Variants in CDH23 observed in about 807,000 individuals in gnomAD.
CDH23 encodes cadherin related 23.
CDH23 carries 189 observed loss-of-function variants against 317.1 expected under a neutral mutation model. The ratio of observed to expected loss-of-function variants is 0.60; its 90% CI spans 0.53 to 0.67. The LOEUF (loss-of-function observed/expected upper bound fraction) is 0.67. Ranked by LOEUF, CDH23 falls within the 30% of genes least tolerant of loss-of-function variation. The pLI is 0.00. For synonymous variants in CDH23, 1,839 were observed against 1,876.8 expected, an observed-to-expected ratio of 0.98 and a Z score of 0.52; for missense variants, 4,401 against 4,592.4, an observed-to-expected ratio of 0.96 and a Z score of 1.20.
At chr10:71,773,245 G>T in intron 38 of CDH23, 1 of 1,235,280 alleles carries the variant, frequency 8.1e-7, no homozygotes, top group Non-Finnish European at 1.1e-6. Flanking sequence ...GGAGTGGGGT[G>T]CACGGTCACA....
intron 1 of CDH23, among the ~76,000 whole-genome samples, chr10:71,403,397 TTCTTTCTTTC>T (rs1847912953): frequency 1.1e-5 from 1 of 93,172 alleles, no homozygotes; most frequent in Non-Finnish European, 2.1e-5. Context: ...CTTTCTTTCT[TTCTTTCTTTC>T]TCTTCCTTCC....
At chr10:71,461,949 T>C (rs1157184765) in intron 3 of CDH23, among the ~76,000 whole-genome samples, 1 of 152,222 alleles carries the variant, frequency 6.6e-6, no homozygotes, top group Admixed American at 6.5e-5. Flanking sequence ...GCCATGCAGC[T>C]TCCTAGCCTC....
At chr10:71,581,470 A>G (rs1858628570) in intron 9 of CDH23, among the ~76,000 whole-genome samples, 1 of 152,196 alleles carries the variant, frequency 6.6e-6, no homozygotes, top group Non-Finnish European at 1.5e-5. Flanking sequence ...TAACTTGCCC[A>G]GTCCCCTGAG....
chr10:71,538,465 G>C (rs1365278567), intron 6 of CDH23, among the ~76,000 whole-genome samples: 2 of 152,132 alleles, frequency 1.3e-5, no homozygotes, highest in Non-Finnish European at 2.9e-5. Context: ...GAAATGACTT[G>C]TTCTAGGGCC....
chr10:71,599,621 CT>C (rs1239449943), intron 9 of CDH23, among the ~76,000 whole-genome samples: 2 of 152,128 alleles, frequency 1.3e-5, no homozygotes, highest in Non-Finnish European at 2.9e-5. Flanking sequence ...GTGCTCTTGT[CT>C]CTACATTTGT....
chr10:71,695,382 T>C (rs942842923), intron 21 of CDH23, 36 bp from the exon 22 acceptor site: 1 of 1,462,990 alleles, frequency 6.8e-7, no homozygotes, highest in East Asian at 2.3e-5. Flanking sequence ...CCATCTCAGC[T>C]GGGTGTGTCT....
intron 6 of CDH23, among the ~76,000 whole-genome samples, chr10:71,555,229 AG>A (rs1337645005): frequency 6.6e-6 from 1 of 152,024 alleles, no homozygotes; most frequent in East Asian, 1.9e-4. Flanking sequence ...CCCACGAGGG[AG>A]GGGGTGGTAC....
intron 52 of CDH23, among the ~76,000 whole-genome samples, chr10:71,800,396 T>C (rs756309185): frequency 4.6e-5 from 7 of 152,102 alleles, no homozygotes; most frequent in Admixed American, 1.3e-4. Flanking sequence ...GTGCCTACTA[T>C]ATGCTAGTTC....
intron 14 of CDH23, among the ~76,000 whole-genome samples, chr10:71,668,839 AC>A (rs1052435152): frequency 6.6e-6 from 1 of 151,896 alleles, no homozygotes; most frequent in Non-Finnish European, 1.5e-5. Flanking sequence ...GGAATTTTTC[AC>A]CCCCGTATGT....
chr10:71,737,479 G>A (rs1017335433), intron 34 of CDH23, among the ~76,000 whole-genome samples: 7 of 152,226 alleles, frequency 4.6e-5, no homozygotes, highest in African/African-American at 1.7e-4. Context: ...GGCTGGGACT[G>A]AGCAGTCAAA....
At chr10:71,583,262 C>G (rs1273459287) in intron 9 of CDH23, among the ~76,000 whole-genome samples, 1 of 151,862 alleles carries the variant, frequency 6.6e-6, no homozygotes, top group East Asian at 1.9e-4. Flanking sequence ...GGGCGGGGGT[C>G]CGGTGCTGAG....
chr10:71,751,325 C>T lies in CDH23; in HGVS notation c.4845+9404C>T, dbSNP rs762021454. 1.9e-6 allele frequency: 3 copies of T among 1,598,886 alleles called. No homozygotes were observed. Among genetic ancestry groups the T allele is most frequent in the South Asian group, 1.1e-5 (1 of 89,068 alleles). On this transcript the variant is annotated intron_variant, in intron 38 of 69. Coordinates refer to ENST00000224721, the MANE Select transcript of CDH23 (RefSeq NM_022124.6). The surrounding 1 kb of genome is among the most constrained non-coding windows in gnomAD (Gnocchi z 4.9). ...AAGGAGAAGCAAAGTGAACGGGGCCCCTCTGCCCCTCACCCTCAACCCCAC... is the reference window on the plus strand; with the variant it reads ...AAGGAGAAGCAAAGTGAACGGGGCCTCTCTGCCCCTCACCCTCAACCCCAC...
chr10:71,762,023 G>A lies in CDH23; in HGVS notation c.4846-15657G>A, dbSNP rs202090521. On this transcript the variant is annotated intron_variant, in intron 38 of 69. Transcript: ENST00000224721. Reference sequence around the variant, plus strand: ...CGTGGCGACCTTGAAGGCTGCCACCGGACCTGCTCAGAGAGAGGAGAGCCC... The same window carrying A: ...CGTGGCGACCTTGAAGGCTGCCACCAGACCTGCTCAGAGAGAGGAGAGCCC... 5.1e-5 allele frequency: 82 copies of A among 1,596,054 alleles called. No individual in the cohort carries two copies. The highest frequency in any genetic ancestry group is 4.2e-4 in the Admixed American group (25 of 59,280).
intron 3 of CDH23, among the ~76,000 whole-genome samples, chr10:71,453,450 G>C (rs1850545980): frequency 6.6e-6 from 1 of 152,242 alleles, no homozygotes; most frequent in South Asian, 2.1e-4. Context: ...GGGAGGCCAG[G>C]GAGGGCAGAT....
intron 29 of CDH23, 123 bp downstream of exon 29, chr10:71,724,228 C>T (rs928748967): frequency 2.0e-6 from 2 of 990,648 alleles, no homozygotes; most frequent in Admixed American, 2.2e-5. Flanking sequence ...ATACATGGGG[C>T]GAGGCCAGAG....
chr10:71,570,729 T>C, intron 7 of CDH23, 61 bp from the exon 8 acceptor site: 2 of 1,548,828 alleles, frequency 1.3e-6, no homozygotes, highest in Non-Finnish European at 1.8e-6. Context: ...TGTGTACATA[T>C]GTGTGTGAGT....
At chr10:71,484,160 G>A (rs892564490) in intron 3 of CDH23, among the ~76,000 whole-genome samples, 9 of 152,156 alleles carry the variant, frequency 5.9e-5, no homozygotes, top group African/African-American at 1.2e-4. Context: ...GAGAACAGTC[G>A]AGCCGCTCTT....
intron 30 of CDH23, among the ~76,000 whole-genome samples, chr10:71,728,858 CA>C (rs2132814642): frequency 6.6e-6 from 1 of 152,282 alleles, no homozygotes; most frequent in South Asian, 2.1e-4. Flanking sequence ...TGCATGTCAC[CA>C]CCCCCGGCTA....
At position 71,741,875 on chromosome 10, in the gene CDH23, A is replaced by G. The variant is rs779444565; in HGVS notation, c.4799A>G (p.Tyr1600Cys). 6.2e-7 allele frequency: 1 copy of G among 1,610,004 alleles called. No homozygotes were observed. The highest frequency in any genetic ancestry group is 8.5e-7 in the Non-Finnish European group (1 of 1,178,454). ...APPDRERQSF[Y>C]HLVATVEDEG... is the part of the protein sequence containing the mutation. ...CCTGACCGCGAGCGCCAGAGCTTCT[A>G]CCACCTGGTGGCCACTGTGGAGGAC... The change falls in exon 38 of 70, where the codon TAC (tyrosine) becomes TGC (cysteine). Residue 1600 changes from tyrosine to cysteine, a missense_variant. Tyr to Cys is a radical substitution (Grantham distance 194). Coordinates refer to ENST00000224721, the MANE Select transcript of CDH23 (RefSeq NM_022124.6).
Sources: allele counts gnomAD v4.1 joint callset (sites outside exome capture counted in the v4.1 genomes callset), GRCh38; gene constraint gnomAD v4.1.1; non-coding constraint Gnocchi (gnomAD v3.1); transcripts MANE v1.5; gene names NCBI Gene and HGNC (gene_info 2026-07-23, HGNC 2026-07-21).